The following WWOX variants were observed in gnomAD, a reference collection of about 807,000 sequenced individuals.
WWOX encodes WW domain containing oxidoreductase, also known as WW domain-containing oxidoreductase.
A neutral mutation model predicts 46.2 loss-of-function variants in WWOX; 69 were observed. The observed-to-expected ratio is 1.49, with a 90% CI of 1.23 to 1.82. The LOEUF is 1.82. WWOX is among the 40% of genes most tolerant of loss of function. WWOX has a pLI of 0.00. For synonymous variants in WWOX, 359 were observed against 202.6 expected (o/e 1.77, Z -6.56); for missense variants, 919 against 542.6 (o/e 1.69, Z -6.89).
intron 8 of WWOX, among the ~76,000 whole-genome samples, chr16:78,752,191 C>T (rs2049499180): frequency 1.3e-5 from 2 of 152,126 alleles, no homozygotes; most frequent in Admixed American, 6.5e-5. Flanking sequence ...TGAAAATATA[C>T]CTTTAAGTAG....
At chr16:78,891,660 C>G in intron 8 of WWOX, 1 of 152,136 alleles carries the variant, frequency 6.6e-6, no homozygotes, top group East Asian at 1.9e-4. Flanking sequence ...GAACTATTGC[C>G]CGTCATTAGC....
intron 8 of WWOX, among the ~76,000 whole-genome samples, chr16:78,708,182 C>G (rs577687137): frequency 6.6e-6 from 1 of 152,028 alleles, no homozygotes; most frequent in Non-Finnish European, 1.5e-5. Context: ...TAGAGCAAGA[C>G]CCTGTGTCTT....
At chr16:78,174,805 C>T (rs752739769) in intron 5 of WWOX, among the ~76,000 whole-genome samples, 51 of 152,064 alleles carry the variant, frequency 3.4e-4, no homozygotes, top group African/African-American at 8.2e-4. Context: ...CTGGGCAATA[C>T]GGTGAAACCC....
intron 8 of WWOX, among the ~76,000 whole-genome samples, chr16:79,028,831 C>G (rs1389187189): frequency 1.3e-5 from 2 of 151,654 alleles, no homozygotes; most frequent in African/African-American, 4.9e-5. Flanking sequence ...AATCTTCAAA[C>G]CAACCTATAT....
intron 8 of WWOX, among the ~76,000 whole-genome samples, chr16:78,555,439 A>G (rs1721639754): frequency 6.6e-6 from 1 of 152,126 alleles, no homozygotes. Context: ...TTGTGGCTTT[A>G]GGTAAATTAC....
At chr16:78,704,935 A>G (rs754774603) in intron 8 of WWOX, among the ~76,000 whole-genome samples, 8 of 105,716 alleles carry the variant, frequency 7.6e-5, no homozygotes, top group Non-Finnish European at 1.5e-4. Flanking sequence ...TTTTTTTTTT[A>G]AAGAGGAGGA....
intron 8 of WWOX, among the ~76,000 whole-genome samples, chr16:78,723,225 C>G (rs1382822584): frequency 1.3e-5 from 2 of 152,122 alleles, no homozygotes; most frequent in African/African-American, 2.4e-5. Context: ...TTATTTTCTT[C>G]TTTATATTAT....
intron 8 of WWOX, among the ~76,000 whole-genome samples, chr16:79,172,271 G>A (rs186741865): frequency 7.4e-4 from 112 of 152,290 alleles, no homozygotes; most frequent in Non-Finnish European, 1.5e-4. Flanking sequence ...CCACAGCTTT[G>A]CATGGCACTT....
At chr16:78,915,584 T>C (rs181199614) in intron 8 of WWOX, among the ~76,000 whole-genome samples, 1 of 152,296 alleles carries the variant, frequency 6.6e-6, no homozygotes, top group African/African-American at 2.4e-5. Context: ...AATTGCACTG[T>C]GACATTGCTG....
At chr16:78,392,844 C>T (rs1267279493) in intron 6 of WWOX, among the ~76,000 whole-genome samples, 1 of 152,108 alleles carries the variant, frequency 6.6e-6, no homozygotes, top group African/African-American at 2.4e-5. Flanking sequence ...ACTCCTCTGC[C>T]CACTCTCTGT....
intron 8 of WWOX, among the ~76,000 whole-genome samples, chr16:79,024,761 A>G (rs1597292822): frequency 6.6e-6 from 1 of 152,074 alleles, no homozygotes. Context: ...TCATGGAGAC[A>G]GGGTCTCACC....
intron 8 of WWOX, among the ~76,000 whole-genome samples, chr16:78,836,958 G>A (rs868030727): frequency 2.5e-4 from 38 of 152,128 alleles, no homozygotes; most frequent in African/African-American, 6.5e-4. Context: ...GTCAAGTGCA[G>A]CAGAAGAGAG....
At chr16:78,586,447 T>G (rs2045211312) in intron 8 of WWOX, among the ~76,000 whole-genome samples, 1 of 152,174 alleles carries the variant, frequency 6.6e-6, no homozygotes. Context: ...TTTTTCTACT[T>G]GAATTCTATT....
intron 8 of WWOX, among the ~76,000 whole-genome samples, chr16:78,911,039 C>T (rs188805504): frequency 2.0e-5 from 3 of 152,092 alleles, no homozygotes; most frequent in African/African-American, 4.8e-5. Context: ...AAATGGCTTT[C>T]CCACAGCCTG....
intron 8 of WWOX, among the ~76,000 whole-genome samples, chr16:78,724,762 A>C (rs1000521492): frequency 6.6e-6 from 1 of 152,056 alleles, no homozygotes; most frequent in Non-Finnish European, 1.5e-5. Flanking sequence ...TGAAGGAGAC[A>C]TTTTCTGGGG....
chr16:78,720,805 C>T (rs1189070618), intron 8 of WWOX, among the ~76,000 whole-genome samples: 2 of 152,064 alleles, frequency 1.3e-5, no homozygotes, highest in Non-Finnish European at 2.9e-5. Context: ...AAGTGCCTTC[C>T]TCCAAAAGTA....
At chr16:78,962,522 A>G (rs114070828) in intron 8 of WWOX, among the ~76,000 whole-genome samples, 2,271 of 152,142 alleles carry the variant, frequency 0.015, 34 homozygotes, top group African/African-American at 0.039. Flanking sequence ...TAAATAATGT[A>G]TTCTGTCAGA....
intron 5 of WWOX, among the ~76,000 whole-genome samples, chr16:78,357,518 C>T (rs534600524): frequency 6.6e-6 from 1 of 152,252 alleles, no homozygotes; most frequent in Non-Finnish European, 1.5e-5. Context: ...GTGATGTTAT[C>T]ATAACCTTGA....
At chr16:78,323,114 GT>G (rs2080524446) in intron 5 of WWOX, among the ~76,000 whole-genome samples, 1 of 150,890 alleles carries the variant, frequency 6.6e-6, no homozygotes, top group Non-Finnish European at 1.5e-5. Context: ...ATTTTTTTTT[GT>G]TTGTTTGTTT....
Sources: allele counts gnomAD v4.1 joint callset (sites outside exome capture counted in the v4.1 genomes callset), GRCh38; gene constraint gnomAD v4.1.1; transcripts MANE v1.5; gene names NCBI Gene and HGNC (gene_info 2026-07-23, HGNC 2026-07-21).